DENND6A: variants seen among roughly 807,000 people sequenced by gnomAD.
DENND6A encodes the protein protein DENND6A.
Under a neutral mutation model 95.5 loss-of-function variants are expected in DENND6A, and 43 were observed. The observed-to-expected ratio is 0.45, with a 90% confidence interval of 0.35 to 0.58. The LOEUF (loss-of-function observed/expected upper bound fraction) is 0.58, where lower values mean the gene tolerates loss of function less well. Ranked by LOEUF, DENND6A falls within the 20% of genes least tolerant of loss-of-function variation. DENND6A has a pLI of 0.00. For synonymous variants in DENND6A, 257 were observed against 260.4 expected (o/e 0.99, Z 0.13); for missense variants, 574 against 736.0 (o/e 0.78, Z 2.55).
At chr3:57,675,707 AC>A (rs1218880116) in intron 1 of DENND6A, among the ~76,000 whole-genome samples, 1 of 152,132 alleles carries the variant, frequency 6.6e-6, no homozygotes, top group Admixed American at 6.5e-5. Flanking sequence ...TAAACAACAC[AC>A]CCAAGGGCAC....
chr3:57,640,132 G>A (rs569408787), intron 12 of DENND6A, among the ~76,000 whole-genome samples: 2 of 151,850 alleles, frequency 1.3e-5, no homozygotes, highest in East Asian at 3.9e-4. Flanking sequence ...AGCCAGGCGT[G>A]GTGGTGGGCG....
intron 5 of DENND6A, among the ~76,000 whole-genome samples, chr3:57,663,151 C>CA (rs754194795): frequency 0.081 from 3,248 of 39,976 alleles, 214 homozygotes; most frequent in African/African-American, 0.17. Flanking sequence ...AACTCCATAT[C>CA]AAAAAAAAAA....
rs568026988 is a variant in DENND6A, at chr3:57,639,150, T to C, written c.1132+2503A>G. 1.9e-3 allele frequency among the ~76,000 whole-genome samples: 296 copies of C among 152,160 alleles called. 2 individuals carry two copies. The Middle Eastern group carries it at 0.02, about 10-fold the overall frequency. ...AAATAGACATTTCACCAAAGATATA[T>C]GAATGAAAGGAAGTAGATGAAAAAG... On this transcript the variant is annotated intron_variant, in intron 12 of 19. Transcript: ENST00000311128.
At chr3:57,675,466 A>G (rs75607839) in intron 1 of DENND6A, among the ~76,000 whole-genome samples, 1,995 of 152,386 alleles carry the variant, frequency 0.013, 48 homozygotes, top group African/African-American at 0.045. Context: ...TTAGTAAAAG[A>G]AAAATGAAAC....
At chr3:57,656,118 T>G (rs2071319764) in intron 9 of DENND6A, among the ~76,000 whole-genome samples, 1 of 152,226 alleles carries the variant, frequency 6.6e-6, no homozygotes. Context: ...CAGTAAAATT[T>G]ACCCTTACCA....
chr3:57,667,866 G>A (rs751285306), intron 3 of DENND6A, among the ~76,000 whole-genome samples: 39 of 152,204 alleles, frequency 2.6e-4, no homozygotes, highest in Non-Finnish European at 4.4e-4. Context: ...AGGAGTTTGA[G>A]ACCAGCCTGG....
At chr3:57,650,463 C>T (rs983651425) in intron 9 of DENND6A, among the ~76,000 whole-genome samples, 7 of 151,974 alleles carry the variant, frequency 4.6e-5, no homozygotes, top group Non-Finnish European at 1.5e-5. Flanking sequence ...CACACACACA[C>T]ATCCTAGCTT....
intron 1 of DENND6A, among the ~76,000 whole-genome samples, chr3:57,675,477 G>C (rs1341476045): frequency 6.6e-6 from 1 of 152,082 alleles, no homozygotes; most frequent in Non-Finnish European, 1.5e-5. Flanking sequence ...AAAATGAAAC[G>C]GAAAAATAAT....
Position 57,657,719 on chromosome 3 carries a change from G to A in DENND6A, c.779C>T (p.Ser260Phe). Residue 260 changes from serine (S) to phenylalanine (F), a missense_variant, in exon 9 of 20, where the codon TCT becomes TTT. Coordinates refer to ENST00000311128, the MANE Select transcript of DENND6A (RefSeq NM_152678.3). ...CTCATGAACAGTAGGTAAAATAACA[G>A]ATATATTTGTGTCCACCTGAGAGAT... ...QLTQQVDTNI[S>F]VILPTVHEVD... The A allele has an allele frequency of 1.3e-6, 2 of 1,580,226 alleles. No homozygotes were observed. Among genetic ancestry groups the A allele is most frequent in the East Asian group, 2.3e-5 (1 of 44,040 alleles).
chr3:57,661,673 G>T, intron 5 of DENND6A, 122 bp from the exon 6 acceptor site: 1 of 721,996 alleles, frequency 1.4e-6, no homozygotes. Context: ...GGCTTTTACA[G>T]TGGATAGTTA....
intron 9 of DENND6A, among the ~76,000 whole-genome samples, chr3:57,647,673 G>C (rs2071107505): frequency 6.6e-6 from 1 of 152,110 alleles, no homozygotes; most frequent in African/African-American, 2.4e-5. Flanking sequence ...AGAAATGAGG[G>C]TATCTCCATG....
chr3:57,646,191 A>G, intron 10 of DENND6A, 125 bp downstream of exon 10: 13 of 1,343,376 alleles, frequency 9.7e-6, no homozygotes, highest in Middle Eastern at 1.9e-4. Context: ...GGGTTTTTGC[A>G]TGGATCAATG....
At chr3:57,692,686 C>A in intron 1 of DENND6A, 96 bp downstream of exon 1, 5 of 1,161,904 alleles carry the variant, frequency 4.3e-6, no homozygotes, top group Non-Finnish European at 5.7e-6. Flanking sequence ...GCGCCGCGGA[C>A]AGGGTCCTGG....
At chr3:57,649,920 T>TACAC (rs1249974095) in intron 9 of DENND6A, among the ~76,000 whole-genome samples, 3 of 111,640 alleles carry the variant, frequency 2.7e-5, no homozygotes, top group African/African-American at 1.1e-4. Context: ...TCTGTATATA[T>TACAC]ATACACACAC....
At chr3:57,674,242 G>A (rs1336359112) in intron 1 of DENND6A, among the ~76,000 whole-genome samples, 9 of 152,138 alleles carry the variant, frequency 5.9e-5, no homozygotes, top group South Asian at 2.1e-4. Flanking sequence ...GCGTGGTGGC[G>A]TGTGCCTGTA....
Position 57,663,682 on chromosome 3 carries a change from A to T in DENND6A, c.467T>A (p.Phe156Tyr). Reference protein sequence around the residue: ...DPAYFYGYVYFRQVRDKTLKR... With the variant: ...DPAYFYGYVYYRQVRDKTLKR... ...TAGAGTTTTATCTCGAACTTGTCGG[A>T]AATACACATATCCATAAAAATAAGC... The change falls in exon 5 of 20, where the codon TTC (phenylalanine) becomes TAC (tyrosine). Residue 156 changes from phenylalanine to tyrosine, a missense_variant. Phe to Tyr is a conservative substitution (Grantham distance 22). Transcript: ENST00000311128. 1.3e-6 allele frequency: 2 copies of T among 1,586,250 alleles called. No individual in the cohort carries two copies. The highest frequency in any genetic ancestry group is 1.7e-6 in the Non-Finnish European group (2 of 1,164,328).
rs200403056 is a variant in DENND6A, at chr3:57,692,827, G to A, written c.192C>T (p.Cys64=). 5 of 1,579,206 alleles carry A rather than the reference G, an allele frequency of 3.2e-6. No homozygotes were observed. The highest frequency in any genetic ancestry group is 2.6e-6 in the Non-Finnish European group (3 of 1,166,528). ...RWDSFSAWLH[C]VCVVGFDLEL... ...CCAGGTCGAAGCCCACCACACACACGCAGTGCAGCCAGGCGGAGAAGCTGT... is the reference window on the plus strand; with the variant it reads ...CCAGGTCGAAGCCCACCACACACACACAGTGCAGCCAGGCGGAGAAGCTGT... Residue 64 remains cysteine (C), a synonymous_variant, in exon 1 of 20, where the codon TGC becomes TGT. Transcript: ENST00000311128.
intron 9 of DENND6A, among the ~76,000 whole-genome samples, chr3:57,647,983 G>A (rs925674624): frequency 1.4e-4 from 22 of 151,956 alleles, no homozygotes; most frequent in African/African-American, 4.4e-4. Flanking sequence ...ATTAGCTTGG[G>A]GGACAAAGTT....
At chr3:57,643,748 A>C (rs1005070057) in intron 11 of DENND6A, among the ~76,000 whole-genome samples, 1 of 149,786 alleles carries the variant, frequency 6.7e-6, no homozygotes, top group Non-Finnish European at 1.5e-5. Context: ...AATCACTTGA[A>C]CCCAGGAGGT....
Sources: allele counts gnomAD v4.1 joint callset (sites outside exome capture counted in the v4.1 genomes callset), GRCh38; gene constraint gnomAD v4.1.1; transcripts MANE v1.5; gene names NCBI Gene and HGNC (gene_info 2026-07-23, HGNC 2026-07-21).